Variants in PDGFD observed in about 807,000 individuals in gnomAD.
The protein encoded by PDGFD is platelet derived growth factor D.
A neutral mutation model predicts 44.7 loss-of-function variants in PDGFD; 30 were observed. The observed-to-expected ratio is 0.67, with a 90% confidence interval of 0.50 to 0.91. The LOEUF (loss-of-function observed/expected upper bound fraction) is 0.91, where lower values mean the gene tolerates loss of function less well. Ranked by LOEUF, PDGFD falls within the 40% of genes least tolerant of loss-of-function variation. PDGFD has a pLI of 0.00. For synonymous variants in PDGFD, 173 were observed against 168.4 expected (o/e 1.03, Z -0.21); for missense variants, 445 against 457.8 (o/e 0.97, Z 0.25).
chr11:103,947,584 C>G, intron 4 of PDGFD, 78 bp downstream of exon 4: 2 of 1,063,518 alleles, frequency 1.9e-6, no homozygotes, highest in Non-Finnish European at 2.9e-6. Context: ...GTCCTTAATG[C>G]AGGTGAAGTC....
rs531646662 is a variant in PDGFD, at chr11:103,973,299, C to T, written c.510+22766G>A. On this transcript the variant is annotated intron_variant, in intron 3 of 6. Coordinates refer to ENST00000393158, the MANE Select transcript of PDGFD (RefSeq NM_025208.5). Reference sequence around the variant, plus strand: ...GACCACAGGCGCCTGCCACCATGCCCGGCCAATTTTTTTTTTTTTTTGTAT... The same window carrying T: ...GACCACAGGCGCCTGCCACCATGCCTGGCCAATTTTTTTTTTTTTTTGTAT... Among the ~76,000 whole-genome samples, 18 of 129,182 alleles carry T rather than the reference C, an allele frequency of 1.4e-4. No individual in the cohort carries two copies. In the South Asian group the frequency reaches 5.6e-3, roughly 40 times the overall value. 84.7% of individuals were successfully genotyped at this position (129,182 alleles called of 152,430 possible).
rs115977754 is a variant in PDGFD, at chr11:104,096,065, G to A, written c.124+67739C>T. Among the ~76,000 whole-genome samples the A allele has an allele frequency of 9.7e-3, 1,477 of 152,108 alleles. 24 individuals carry two copies. The highest frequency in any genetic ancestry group is 0.034 in the African/African-American group (1,391 of 41,496). On this transcript the variant is annotated intron_variant, in intron 1 of 6. Transcript: ENST00000393158. ...AATTACTTAGGCACTTGGAGAATCTGGTATTAAGTTCTGAATCTCCTGTTA... is the reference window on the plus strand; with the variant it reads ...AATTACTTAGGCACTTGGAGAATCTAGTATTAAGTTCTGAATCTCCTGTTA...
rs146575174 is a variant in PDGFD at position 104,080,622 on chromosome 11, CCATT to C, written c.125-80371_125-80368del. Among the ~76,000 whole-genome samples the C allele has an allele frequency of 6.2e-3, 943 of 152,300 alleles. 8 individuals carry two copies. The highest frequency in any genetic ancestry group is 0.021 in the African/African-American group (878 of 41,562). Reference sequence around the variant, plus strand: ...TGGCGTATGTTGGAGGAGCCACCATCCATTGTGTGCCGCCATCATGATCCTTGCT... The same window carrying C: ...TGGCGTATGTTGGAGGAGCCACCATCGTGTGCCGCCATCATGATCCTTGCT... On this transcript the variant is annotated intron_variant, in intron 1 of 6. Coordinates refer to ENST00000393158, the MANE Select transcript of PDGFD (RefSeq NM_025208.5).
At chr11:104,030,941 C>T (rs958002391) in intron 1 of PDGFD, among the ~76,000 whole-genome samples, 8 of 152,172 alleles carry the variant, frequency 5.3e-5, no homozygotes, top group Non-Finnish European at 1.0e-4. Flanking sequence ...TTTATTTACA[C>T]ATTTCTCATA....
chr11:103,959,548 A>C (rs931200014), intron 3 of PDGFD, among the ~76,000 whole-genome samples: 4 of 152,150 alleles, frequency 2.6e-5, no homozygotes, highest in Middle Eastern at 3.2e-3. Flanking sequence ...CTCAACTAGC[A>C]ACTAACTAAG....
intron 1 of PDGFD, among the ~76,000 whole-genome samples, chr11:104,088,998 A>G (rs1861173891): frequency 6.6e-6 from 1 of 152,202 alleles, no homozygotes; most frequent in Non-Finnish European, 1.5e-5. Flanking sequence ...ACCTTTAAGG[A>G]CTTCCAAAAG....
chr11:104,102,995 G>T (rs1861416246), intron 1 of PDGFD, among the ~76,000 whole-genome samples: 1 of 151,992 alleles, frequency 6.6e-6, no homozygotes, highest in East Asian at 1.9e-4. Context: ...GAGTTAATGG[G>T]GGCAGCACAC....
chr11:103,969,498 T>C (rs1416187016), intron 3 of PDGFD, among the ~76,000 whole-genome samples: 4 of 139,340 alleles, frequency 2.9e-5, no homozygotes, highest in Non-Finnish European at 1.6e-5. Context: ...TTTTTTTTTT[T>C]CCTGGAAGTG....
chr11:104,163,531 C>G (rs1432549725), intron 1 of PDGFD, among the ~76,000 whole-genome samples: 1 of 152,072 alleles, frequency 6.6e-6, no homozygotes, highest in East Asian at 1.9e-4. Context: ...GTACCAGAGG[C>G]TTGGACACCA....
At chr11:103,941,668 T>C (rs1858586207) in intron 5 of PDGFD, among the ~76,000 whole-genome samples, 3 of 152,026 alleles carry the variant, frequency 2.0e-5, no homozygotes. Flanking sequence ...GGTTAGAATT[T>C]GAATCCAGGC....
chr11:104,110,924 T>A (rs1861545343), intron 1 of PDGFD, among the ~76,000 whole-genome samples: 2 of 152,296 alleles, frequency 1.3e-5, no homozygotes, highest in South Asian at 4.1e-4. Flanking sequence ...AAAATCCTCT[T>A]TAATCATTAC....
chr11:104,100,206 A>G (rs1194698859), intron 1 of PDGFD, among the ~76,000 whole-genome samples: 1 of 152,128 alleles, frequency 6.6e-6, no homozygotes, highest in Admixed American at 6.6e-5. Context: ...GAGGCAGCCT[A>G]CACACCTCTG....
intron 1 of PDGFD, among the ~76,000 whole-genome samples, chr11:104,021,584 T>G (rs1565312487): frequency 6.6e-6 from 1 of 152,126 alleles, no homozygotes; most frequent in Non-Finnish European, 1.5e-5. Flanking sequence ...ATGTATTGGG[T>G]AGCTTGTTAT....
At chr11:103,955,353 G>A (rs1416372328) in intron 3 of PDGFD, among the ~76,000 whole-genome samples, 1 of 152,066 alleles carries the variant, frequency 6.6e-6, no homozygotes, top group East Asian at 1.9e-4. Flanking sequence ...TTACTCTACA[G>A]GGAGATCCTT....
chr11:104,118,735 A>AAT (rs1861677931), intron 1 of PDGFD, among the ~76,000 whole-genome samples: 1 of 126,110 alleles, frequency 7.9e-6, no homozygotes. Context: ...TTAATATATT[A>AAT]ATATATATTA....
intron 1 of PDGFD, among the ~76,000 whole-genome samples, chr11:104,034,216 A>C (rs1440152976): frequency 2.0e-5 from 3 of 151,658 alleles, no homozygotes; most frequent in Non-Finnish European, 4.4e-5. Context: ...TTTACCCTTC[A>C]ATTTGTGTGT....
Position 104,153,573 on chromosome 11 carries a change from T to C in PDGFD, c.124+10231A>G, listed in dbSNP as rs146041115. On this transcript the variant is annotated intron_variant, in intron 1 of 6. Transcript: ENST00000393158. The stretch of plus-strand genomic sequence containing the variant: ...TAAAATGTGATATAGGATCTTTACA[T>C]TGACTCAACAGTTCATTCAAAAACA... Among the ~76,000 whole-genome samples, 396 of 152,202 alleles carry C rather than the reference T, an allele frequency of 2.6e-3. 3 individuals are homozygous for C. Among genetic ancestry groups the C allele is most frequent in the African/African-American group, 9.1e-3 (380 of 41,532 alleles).
chr11:104,133,087 C>T (rs1046348464), intron 1 of PDGFD, among the ~76,000 whole-genome samples: 15 of 152,076 alleles, frequency 9.9e-5, no homozygotes, highest in African/African-American at 3.6e-4. Flanking sequence ...ACTTCTGTTA[C>T]ACCTCATAGG....
In PDGFD at chr11:104,027,834, T is replaced by G. The variant is rs554570861; in HGVS notation, c.125-27579A>C. On this transcript the variant is annotated intron_variant, in intron 1 of 6. Coordinates refer to ENST00000393158, the MANE Select transcript of PDGFD (RefSeq NM_025208.5). Reference sequence around the variant, plus strand: ...TGGTCACAAGGGCAGATTGAATTGATATTTTCAAAGAACAGATCTCCTGGC... The same window carrying G: ...TGGTCACAAGGGCAGATTGAATTGAGATTTTCAAAGAACAGATCTCCTGGC... Among the ~76,000 whole-genome samples, 30 of 152,326 alleles carry G rather than the reference T, an allele frequency of 2.0e-4. No homozygotes were observed. In the South Asian group the frequency reaches 6.0e-3, roughly 31 times the overall value.
Sources: allele counts gnomAD v4.1 joint callset (sites outside exome capture counted in the v4.1 genomes callset), GRCh38; gene constraint gnomAD v4.1.1; transcripts MANE v1.5; gene names NCBI Gene and HGNC (gene_info 2026-07-23, HGNC 2026-07-21).